CASP10: variants seen among roughly 807,000 people sequenced by gnomAD.
CASP10 encodes caspase 10.
Under a neutral mutation model 48.5 loss-of-function variants are expected in CASP10, and 41 were observed. The ratio of observed to expected loss-of-function variants is 0.85; its 90% confidence interval spans 0.66 to 1.10. The LOEUF is 1.10. CASP10 is among the 50% of genes least tolerant of loss of function. The pLI is 0.00. For synonymous variants in CASP10, 232 were observed against 238.4 expected, an observed-to-expected ratio of 0.97 and a Z score of 0.25; for missense variants, 614 against 614.5, an observed-to-expected ratio of 1.00 and a Z score of 0.01.
chr2:201,191,701 A>T (rs960525054), intron 3 of CASP10, among the ~76,000 whole-genome samples: 3 of 152,362 alleles, frequency 2.0e-5, no homozygotes, highest in Middle Eastern at 3.4e-3. Flanking sequence ...CTGGGGAAAC[A>T]CAAATAACCT....
intron 6 of CASP10, 81 bp downstream of exon 6, chr2:201,203,847 A>C: frequency 1.8e-6 from 2 of 1,113,722 alleles, no homozygotes; most frequent in Non-Finnish European, 2.7e-6. Context: ...AAGGAATTCA[A>C]GGTGACTTGG....
Position 201,218,127 on chromosome 2 carries a change from G to T in CASP10, c.*386G>T. 1.2e-6 allele frequency: 1 copy of T among 858,224 alleles called. No individual in the cohort carries two copies. Among genetic ancestry groups the T allele is most frequent in the South Asian group, 2.5e-5 (1 of 39,922 alleles). 53.2% of individuals were successfully genotyped at this position (858,224 alleles called of 1,614,324 possible). A position where few individuals can be genotyped will look rare whatever the true frequency, so the allele number is the denominator to read the frequency against. On this transcript the variant is annotated 3_prime_UTR_variant, in exon 10 of 10. Transcript: ENST00000286186. The stretch of plus-strand genomic sequence containing the variant: ...AGAGATGGAGGGATCTCACTTTGTT[G>T]CACAGGCTGGTTTCAAACTCCTAGG...
At chr2:201,207,927 C>T (rs1325337594) in intron 7 of CASP10, 148 bp from the exon 8 acceptor site, 2 of 677,252 alleles carry the variant, frequency 3.0e-6, no homozygotes, top group Non-Finnish European at 2.7e-6. Flanking sequence ...AACAAAATAA[C>T]AACAACAACA....
intron 2 of CASP10, 138 bp from the exon 3 acceptor site, chr2:201,187,568 C>A (rs549887656): frequency 1.1e-5 from 8 of 756,628 alleles, no homozygotes; most frequent in Admixed American, 3.9e-5. Flanking sequence ...TTTTTTGAAC[C>A]TATAAATGGG....
intron 9 of CASP10, chr2:201,228,868 A>G: frequency 1.4e-6 from 2 of 1,478,174 alleles, no homozygotes; most frequent in Admixed American, 1.8e-5. Context: ...CAGCCTCTCC[A>G]GGTCCTTGTG....
At chr2:201,224,270 CA>C (rs994732747), downstream of CASP10, among the ~76,000 whole-genome samples, 3 of 143,782 alleles carry the variant, frequency 2.1e-5, no homozygotes, top group Non-Finnish European at 3.1e-5. Context: ...CGTGCCTGGC[CA>C]AAAAAAAATG....
At chr2:201,227,349 T>G (rs539046539) in intron 9 of CASP10, among the ~76,000 whole-genome samples, 4 of 152,186 alleles carry the variant, frequency 2.6e-5, no homozygotes, top group African/African-American at 7.2e-5. Context: ...TTTTTGGTGG[T>G]GATTTCTGTG....
chr2:201,214,521 T>C (rs1945507244), intron 9 of CASP10: 1 of 152,118 alleles, frequency 6.6e-6, no homozygotes, highest in South Asian at 2.1e-4. Context: ...GAATAGATTG[T>C]CGTTGAATTA....
In CASP10 at chr2:201,218,532, G is replaced by A; in HGVS notation, c.*791G>A. 1 of 903,908 alleles carries A rather than the reference G, an allele frequency of 1.1e-6. No individual in the cohort carries two copies. The highest frequency in any genetic ancestry group is 1.3e-6 in the Non-Finnish European group (1 of 755,898). The allele number at this position is 903,908 out of a possible 1,614,324, so 56.0% of individuals were successfully genotyped here. On this transcript the variant is annotated 3_prime_UTR_variant, in exon 10 of 10. Transcript: ENST00000286186. ...GCCTAAGCTGGTCTCAAACTCCTGGGCTCAAGCGATCCTCCCACCTCAGCT... is the reference window on the plus strand; with the variant it reads ...GCCTAAGCTGGTCTCAAACTCCTGGACTCAAGCGATCCTCCCACCTCAGCT...
rs574283323 is a variant in CASP10 at position 201,218,405 on chromosome 2, C to T, written c.*664C>T. The T allele has an allele frequency of 3.0e-5, 25 of 832,208 alleles. No homozygotes were observed. The South Asian group carries it at 8.8e-4, about 29-fold the overall frequency. 51.6% of individuals were successfully genotyped at this position (832,208 alleles called of 1,614,324 possible). A position where few individuals can be genotyped will look rare whatever the true frequency, so the allele number is the denominator to read the frequency against. On this transcript the variant is annotated 3_prime_UTR_variant, in exon 10 of 10. Coordinates refer to ENST00000286186, the MANE Select transcript of CASP10 (RefSeq NM_032977.4). ...GCAGCCTTGACCTCCCAGGTTCAAG[C>T]GATCCTCCCACCTCAGCCTCCCAAG...
chr2:201,209,054 TTTTG>T lies in CASP10; in HGVS notation c.923-12_923-9del, dbSNP rs1280146149. ...CTCTCTCTCTCTCTTTTTTTTTTTT[TTTTG>T]TTTTTAAACAGAGATCCTGAGTCAT... On this transcript the variant is annotated splice_polypyrimidine_tract_variant and intron_variant, in intron 8 of 9. Transcript: ENST00000286186. 1.9e-6 allele frequency: 3 copies of T among 1,603,866 alleles called. No individual in the cohort carries two copies. Among genetic ancestry groups the T allele is most frequent in the Non-Finnish European group, 2.6e-6 (3 of 1,176,198 alleles).
Position 201,219,348 on chromosome 2 carries a change from GAAGGGAA to G in CASP10, c.*1608_*1614del. On this transcript the variant is annotated 3_prime_UTR_variant, in exon 10 of 10. Coordinates refer to ENST00000286186, the MANE Select transcript of CASP10 (RefSeq NM_032977.4). Reference sequence around the variant, plus strand: ...CCCAATTCAAATTGACTGAAGCAAAGAAGGGAATTTATTGCCTCTTTCACATTGAAAC... The same window carrying G: ...CCCAATTCAAATTGACTGAAGCAAAGTTTATTGCCTCTTTCACATTGAAAC... 7.3e-6 allele frequency: 5 copies of G among 682,688 alleles called. No individual in the cohort carries two copies. The highest frequency in any genetic ancestry group is 9.0e-6 in the Non-Finnish European group (5 of 553,770). The allele number at this position is 682,688 out of a possible 1,614,324, so 42.3% of individuals were successfully genotyped here. A position where few individuals can be genotyped will look rare whatever the true frequency, so the allele number is the denominator to read the frequency against.
At chr2:201,199,941 A>G (rs979254781) in intron 5 of CASP10, among the ~76,000 whole-genome samples, 1 of 152,092 alleles carries the variant, frequency 6.6e-6, no homozygotes, top group African/African-American at 2.4e-5. Flanking sequence ...TATGCCATTG[A>G]GACTTTTGAA....
At chr2:201,186,321 A>T in intron 2 of CASP10, 197 bp downstream of exon 2, 1 of 574,300 alleles carries the variant, frequency 1.7e-6, no homozygotes, top group Non-Finnish European at 3.1e-6. Flanking sequence ...AAGCTTCAAG[A>T]CCAAGCCCTG....
rs565907504 is a variant in CASP10 at position 201,187,719 on chromosome 2, G to C, written c.361G>C (p.Glu121Gln). Reference protein sequence around the residue: ...RVSLFRNLLYELSEGIDSENL... With the variant: ...RVSLFRNLLYQLSEGIDSENL... ...TGTGTGTCTTAGAAACCTGCTCTAC[G>C]AACTGTCAGAAGGCATTGACTCAGA... Residue 121 changes from glutamate (E) to glutamine (Q), a missense_variant, in exon 3 of 10, where the codon GAA (glutamate) becomes CAA (glutamine). By Grantham distance (29) the Glu-to-Gln change is conservative. Transcript: ENST00000286186. The C allele has an allele frequency of 6.2e-7, 1 of 1,613,772 alleles. No individual in the cohort carries two copies. The highest frequency in any genetic ancestry group is 8.5e-7 in the Non-Finnish European group (1 of 1,179,780).
rs1945720714 is a variant in CASP10 at position 201,221,549 on chromosome 2, C to A, written c.*3808C>A. The A allele has an allele frequency of 6.6e-6, 1 of 152,636 alleles. No homozygotes were observed. Among genetic ancestry groups the A allele is most frequent in the South Asian group, 2.1e-4 (1 of 4,834 alleles). 9.5% of individuals were successfully genotyped at this position (152,636 alleles called of 1,614,324 possible). Reference sequence around the variant, plus strand: ...AACAACCCCCTTTGACTGTAATTTTCCACTACTTACCCAAATCCTATAAAA... The same window carrying A: ...AACAACCCCCTTTGACTGTAATTTTACACTACTTACCCAAATCCTATAAAA... On this transcript the variant is annotated 3_prime_UTR_variant, in exon 10 of 10. Coordinates refer to ENST00000286186, the MANE Select transcript of CASP10 (RefSeq NM_032977.4).
exon 10 of CASP10, chr2:201,229,058 T>A: frequency 1.2e-6 from 2 of 1,614,170 alleles, no homozygotes; most frequent in South Asian, 1.1e-5. Flanking sequence ...CGACCCCCCA[T>A]GCGCAGGTGG....
rs530016345 is a variant in CASP10 at position 201,209,934 on chromosome 2, C to T, written c.1415+372C>T. Among the ~76,000 whole-genome samples, 13 of 152,256 alleles carry T rather than the reference C, an allele frequency of 8.5e-5. No individual in the cohort carries two copies. The South Asian group carries it at 1.2e-3, about 15-fold the overall frequency. ...CAAACAAATAGACGGGGAAGGGCAT[C>T]CCCAGCTGGTAAGTGCACATTGTGA... is the stretch of plus-strand genomic sequence containing the variant. On this transcript the variant is annotated intron_variant, in intron 9 of 9. Transcript: ENST00000286186.
chr2:201,210,162 A>G (rs1185623036), intron 9 of CASP10, among the ~76,000 whole-genome samples: 8 of 152,194 alleles, frequency 5.3e-5, no homozygotes, highest in African/African-American at 1.9e-4. Context: ...CTGAGCACCT[A>G]TGTGCTATCT....
Sources: gnomAD v4.1 joint callset for allele counts (sites outside exome capture counted in the v4.1 genomes callset) on GRCh38, gnomAD v4.1.1 for gene constraint, MANE v1.5 for transcripts, NCBI Gene and HGNC (gene_info 2026-07-23, HGNC 2026-07-21) for gene names.